Variants in CAMTA1 observed in about 807,000 individuals in gnomAD.
The protein encoded by CAMTA1 is calmodulin-binding transcription activator 1.
CAMTA1 carries 27 observed loss-of-function variants against 170.9 expected under a neutral mutation model. That is an observed-to-expected ratio of 0.16 (90% CI 0.12 to 0.22). The LOEUF is 0.22. CAMTA1 is among the 10% of genes least tolerant of loss of function. The probability of loss-of-function intolerance (pLI) is 1.00; values close to 1 mark genes in which losing one functional copy is unlikely to be tolerated. For missense variants in CAMTA1, 1,619 were observed against 2,217.2 expected (o/e 0.73, Z 5.42); for synonymous variants, 833 against 891.5 (o/e 0.93, Z 1.17).
At chr1:7,370,625 G>C (rs1002292225) in intron 5 of CAMTA1, among the ~76,000 whole-genome samples, 1 of 152,080 alleles carries the variant, frequency 6.6e-6, no homozygotes, top group East Asian at 1.9e-4. Context: ...TTAATATATC[G>C]CTAAGTGAGA....
intron 8 of CAMTA1, 42 bp downstream of exon 8, chr1:7,661,908 G>A: frequency 6.4e-7 from 1 of 1,562,042 alleles, no homozygotes; most frequent in Non-Finnish European, 8.7e-7. Flanking sequence ...CACGGGGACA[G>A]AGGGGCCCTA....
At chr1:7,029,488 CAAAAAAAA>C (rs55736306) in intron 3 of CAMTA1, among the ~76,000 whole-genome samples, 21 of 63,820 alleles carry the variant, frequency 3.3e-4, no homozygotes, top group Middle Eastern at 9.8e-3. Context: ...GACTCTGTCT[CAAAAAAAA>C]AAAAAAAAAA....
At chr1:7,385,705 C>A (rs1013981154) in intron 5 of CAMTA1, among the ~76,000 whole-genome samples, 1 of 152,346 alleles carries the variant, frequency 6.6e-6, no homozygotes, top group South Asian at 2.1e-4. Context: ...CTCCACCCAG[C>A]ACGATGCTCC....
At chr1:6,793,472 A>G (rs1290297489) in intron 1 of CAMTA1, among the ~76,000 whole-genome samples, 1 of 152,176 alleles carries the variant, frequency 6.6e-6, no homozygotes, top group Non-Finnish European at 1.5e-5. Context: ...CAACATGTCT[A>G]AGAGAATGGG....
chr1:7,667,551 T>C (rs980767282), intron 9 of CAMTA1, among the ~76,000 whole-genome samples: 6 of 151,942 alleles, frequency 3.9e-5, no homozygotes, highest in African/African-American at 1.4e-4. Context: ...AGCCAGGAGG[T>C]GGGAGGAGGG....
intron 5 of CAMTA1, among the ~76,000 whole-genome samples, chr1:7,385,881 G>A (rs1326543400): frequency 6.6e-6 from 1 of 152,184 alleles, no homozygotes; most frequent in Non-Finnish European, 1.5e-5. Context: ...ATTTGGTTGT[G>A]TCCAGTGCGG....
chr1:7,117,578 TCA>T (rs1441346617), intron 4 of CAMTA1, among the ~76,000 whole-genome samples: 2 of 152,108 alleles, frequency 1.3e-5, no homozygotes, highest in Non-Finnish European at 2.9e-5. Context: ...CCTAACTGGC[TCA>T]AAACCCTGAA....
chr1:7,075,548 G>T (rs909708537), intron 3 of CAMTA1, among the ~76,000 whole-genome samples: 1 of 152,020 alleles, frequency 6.6e-6, no homozygotes, highest in African/African-American at 2.4e-5. Flanking sequence ...CTCCCTTCCC[G>T]GCCCTGTGCT....
At chr1:6,851,704 C>T (rs1660414655) in intron 3 of CAMTA1, among the ~76,000 whole-genome samples, 1 of 152,096 alleles carries the variant, frequency 6.6e-6, no homozygotes, top group South Asian at 2.1e-4. Context: ...TGTGGCAAAA[C>T]CCCATCTCTA....
intron 3 of CAMTA1, among the ~76,000 whole-genome samples, chr1:7,052,349 C>T (rs1036532812): frequency 6.6e-6 from 1 of 152,060 alleles, no homozygotes; most frequent in Admixed American, 6.5e-5. Context: ...CCTTGTTCAG[C>T]GACTCATCCC....
intron 22 of CAMTA1, among the ~76,000 whole-genome samples, chr1:7,763,293 ATGTT>A (rs2096990114): frequency 1.3e-5 from 2 of 152,086 alleles, no homozygotes; most frequent in Non-Finnish European, 2.9e-5. Flanking sequence ...TCTGTAAAAA[ATGTT>A]TGTGCCATTT....
In CAMTA1 at chr1:6,973,310, C is replaced by G. The variant is rs374388418; in HGVS notation, c.235-117994C>G. Reference sequence around the variant, plus strand: ...CCCCCATCTAGCTCCTGACAACCACCACTGCAGTCATTGCTTCTAGGGGTT... The same window carrying G: ...CCCCCATCTAGCTCCTGACAACCACGACTGCAGTCATTGCTTCTAGGGGTT... On this transcript the variant is annotated intron_variant, in intron 3 of 22. Transcript: ENST00000303635. 5.3e-5 allele frequency among the ~76,000 whole-genome samples: 8 copies of G among 152,188 alleles called. No individual in the cohort carries two copies. The South Asian group carries it at 6.2e-4, about 12-fold the overall frequency.
At chr1:7,141,553 C>G (rs1056244865) in intron 4 of CAMTA1, among the ~76,000 whole-genome samples, 1 of 152,152 alleles carries the variant, frequency 6.6e-6, no homozygotes, top group Admixed American at 6.5e-5. Flanking sequence ...GAAGGGCACA[C>G]TAGGTGCAGG....
intron 5 of CAMTA1, among the ~76,000 whole-genome samples, chr1:7,460,501 G>A (rs1181804088): frequency 6.6e-6 from 1 of 152,112 alleles, no homozygotes; most frequent in Non-Finnish European, 1.5e-5. Flanking sequence ...GCAGTGAAAA[G>A]TTACTCACAT....
At chr1:7,317,858 A>G (rs1677767450) in intron 5 of CAMTA1, among the ~76,000 whole-genome samples, 1 of 152,276 alleles carries the variant, frequency 6.6e-6, no homozygotes, top group African/African-American at 2.4e-5. Flanking sequence ...TTGTAAAGTG[A>G]CCAGAGCTAC....
intron 1 of CAMTA1, among the ~76,000 whole-genome samples, chr1:6,815,303 C>G (rs1430135332): frequency 6.6e-6 from 1 of 151,966 alleles, no homozygotes; most frequent in Non-Finnish European, 1.5e-5. Context: ...CTCCCAGGCT[C>G]AAGCAATCCG....
At chr1:7,428,710 A>G (rs1575269906) in intron 5 of CAMTA1, among the ~76,000 whole-genome samples, 1 of 150,396 alleles carries the variant, frequency 6.6e-6, no homozygotes, top group Non-Finnish European at 1.5e-5. Flanking sequence ...CTCATCCATC[A>G]CTCCTTCAAA....
chr1:7,493,286 CACAA>C (rs767190287), intron 6 of CAMTA1, among the ~76,000 whole-genome samples: 60 of 92,014 alleles, frequency 6.5e-4, no homozygotes, highest in African/African-American at 9.3e-4. Flanking sequence ...CATACACGCG[CACAA>C]ACACAAACAT....
At chr1:6,947,255 A>C (rs530992670) in intron 3 of CAMTA1, among the ~76,000 whole-genome samples, 4 of 152,318 alleles carry the variant, frequency 2.6e-5, no homozygotes, top group African/African-American at 9.6e-5. Flanking sequence ...TGAGTCTTCC[A>C]ACTTCTTTTC....
Sources: gnomAD v4.1 joint callset for allele counts (sites outside exome capture counted in the v4.1 genomes callset) on GRCh38, gnomAD v4.1.1 for gene constraint, MANE v1.5 for transcripts, NCBI Gene and HGNC (gene_info 2026-07-23, HGNC 2026-07-21) for gene names.